STIM1: variants seen among roughly 807,000 people sequenced by gnomAD.
STIM1 encodes stromal interaction molecule 1.
STIM1 carries 25 observed loss-of-function variants against 74.7 expected under a neutral mutation model. The observed-to-expected ratio is 0.33, with a 90% CI of 0.24 to 0.47. The LOEUF (loss-of-function observed/expected upper bound fraction) is 0.47. Among genes scored for constraint, STIM1 ranks in the 20% least tolerant of loss-of-function variants. The pLI, the probability that STIM1 is intolerant of heterozygous loss-of-function variation, is 1.00. For missense variants in STIM1, 728 were observed against 920.8 expected (o/e 0.79, Z 2.71); for synonymous variants, 328 against 348.8 (o/e 0.94, Z 0.66).
intron 2 of STIM1, among the ~76,000 whole-genome samples, chr11:3,977,441 A>G (rs2093459245): frequency 6.6e-6 from 1 of 152,208 alleles, no homozygotes; most frequent in African/African-American, 2.4e-5. Context: ...CTCTGGAATC[A>G]TACAGACTCC....
chr11:4,092,762 G>C lies in STIM1; in HGVS notation c.*964G>C, dbSNP rs2094531515. On this transcript the variant is annotated 3_prime_UTR_variant, in exon 13 of 13. Transcript: ENST00000526596. ...ATTTTTTGAACCAAAAGACAAACAG[G>C]TTAAAAGGAAAAAAAGTAATCTGAA... The C allele has an allele frequency of 6.6e-6, 1 of 152,144 alleles. No homozygotes were observed. Among genetic ancestry groups the C allele is most frequent in the African/African-American group, 2.4e-5 (1 of 41,406 alleles). The allele number at this position is 152,144 out of a possible 1,614,324, so 9.4% of individuals were successfully genotyped here.
intron 1 of STIM1, among the ~76,000 whole-genome samples, chr11:3,859,738 A>G (rs997703670): frequency 6.6e-6 from 1 of 152,170 alleles, no homozygotes; most frequent in African/African-American, 2.4e-5. Flanking sequence ...CTTGGTAGCT[A>G]TGCTAATTTT....
At chr11:4,029,483 C>T (rs2094028898) in intron 3 of STIM1, among the ~76,000 whole-genome samples, 1 of 151,050 alleles carries the variant, frequency 6.6e-6, no homozygotes, top group Non-Finnish European at 1.5e-5. Context: ...CTCCCACATC[C>T]CGAAGATGTG....
At chr11:4,042,998 G>A (rs1167339622) in intron 3 of STIM1, among the ~76,000 whole-genome samples, 3 of 152,102 alleles carry the variant, frequency 2.0e-5, no homozygotes, top group East Asian at 1.9e-4. Context: ...AGAATAGAAC[G>A]AAATAAATGC....
intron 1 of STIM1, among the ~76,000 whole-genome samples, chr11:3,942,326 A>G (rs1017027442): frequency 1.3e-5 from 2 of 152,220 alleles, no homozygotes; most frequent in African/African-American, 4.8e-5. Context: ...CATAGCCTCC[A>G]TTTCCTGGGC....
At chr11:3,931,702 G>A (rs913528315) in intron 1 of STIM1, among the ~76,000 whole-genome samples, 1 of 152,148 alleles carries the variant, frequency 6.6e-6, no homozygotes, top group African/African-American at 2.4e-5. Flanking sequence ...AACCCCTAAT[G>A]TGATGGTATT....
chr11:3,917,641 C>A (rs1316257498), intron 1 of STIM1, among the ~76,000 whole-genome samples: 1 of 152,024 alleles, frequency 6.6e-6, no homozygotes, highest in East Asian at 1.9e-4. Flanking sequence ...TGCCATGTTG[C>A]CCAGGCTGGT....
chr11:3,909,800 A>G (rs2135473387), intron 1 of STIM1, among the ~76,000 whole-genome samples: 1 of 151,380 alleles, frequency 6.6e-6, no homozygotes, highest in African/African-American at 2.4e-5. Context: ...TCAAAGAAAA[A>G]AAAAAAAGAA....
At chr11:3,910,727 A>G (rs1385272447) in intron 1 of STIM1, among the ~76,000 whole-genome samples, 3 of 152,062 alleles carry the variant, frequency 2.0e-5, no homozygotes, top group Admixed American at 6.6e-5. Context: ...CATGCCTGTA[A>G]TGCCAGTACT....
At chr11:4,056,946 A>G (rs2094294490) in intron 4 of STIM1, among the ~76,000 whole-genome samples, 1 of 152,060 alleles carries the variant, frequency 6.6e-6, no homozygotes, top group South Asian at 2.1e-4. Flanking sequence ...GCTTTTTTTC[A>G]CTGCATCTTC....
chr11:4,032,870 T>C (rs2094063219), intron 3 of STIM1, among the ~76,000 whole-genome samples: 1 of 152,246 alleles, frequency 6.6e-6, no homozygotes, highest in South Asian at 2.1e-4. Flanking sequence ...TTGTTGCTTA[T>C]ATACAGAAAT....
intron 2 of STIM1, among the ~76,000 whole-genome samples, chr11:4,008,286 C>G (rs1376515124): frequency 6.6e-6 from 1 of 152,028 alleles, no homozygotes; most frequent in African/African-American, 2.4e-5. Context: ...GTGTAGTAGG[C>G]TATACACATC....
At chr11:3,879,474 C>T (rs957294245) in intron 1 of STIM1, among the ~76,000 whole-genome samples, 1 of 152,214 alleles carries the variant, frequency 6.6e-6, no homozygotes, top group Admixed American at 6.5e-5. Context: ...TCTCCCCAGC[C>T]AACTGATGGT....
At chr11:3,911,423 G>GT (rs2092560116) in intron 1 of STIM1, among the ~76,000 whole-genome samples, 1 of 151,910 alleles carries the variant, frequency 6.6e-6, no homozygotes, top group Admixed American at 6.6e-5. Context: ...AATTGTTTTT[G>GT]TTTTTTTGAG....
At chr11:4,036,101 G>A (rs1240213673) in intron 3 of STIM1, among the ~76,000 whole-genome samples, 1 of 152,102 alleles carries the variant, frequency 6.6e-6, no homozygotes, top group Non-Finnish European at 1.5e-5. Context: ...GTGAGAACAT[G>A]CACTGTTTGG....
intron 2 of STIM1, among the ~76,000 whole-genome samples, chr11:3,982,678 G>A (rs2093517901): frequency 1.3e-5 from 2 of 152,136 alleles, no homozygotes; most frequent in South Asian, 2.1e-4. Context: ...TGTGCCTCAG[G>A]CTGATGATAA....
At chr11:4,005,205 C>G (rs1246496140) in intron 2 of STIM1, among the ~76,000 whole-genome samples, 1 of 152,144 alleles carries the variant, frequency 6.6e-6, no homozygotes, top group South Asian at 2.1e-4. Context: ...ACTAGAAATA[C>G]CATTTGACCC....
chr11:4,042,132 T>A (rs1425161580), intron 3 of STIM1, among the ~76,000 whole-genome samples: 4 of 152,254 alleles, frequency 2.6e-5, no homozygotes, highest in Non-Finnish European at 5.9e-5. Context: ...ATTCCTTCCC[T>A]GCCAAGAGAA....
At chr11:3,953,080 G>A (rs999452618) in intron 1 of STIM1, among the ~76,000 whole-genome samples, 4 of 152,200 alleles carry the variant, frequency 2.6e-5, no homozygotes, top group African/African-American at 9.6e-5. Flanking sequence ...GACACAGAAG[G>A]AGTAGCTGAG....
Sources: gnomAD v4.1 joint callset for allele counts (sites outside exome capture counted in the v4.1 genomes callset) on GRCh38, gnomAD v4.1.1 for gene constraint, MANE v1.5 for transcripts, NCBI Gene and HGNC (gene_info 2026-07-23, HGNC 2026-07-21) for gene names.